The following ERP44 variants were observed in gnomAD, a reference collection of about 807,000 sequenced individuals.
ERP44 encodes the protein endoplasmic reticulum protein 44.
ERP44 carries 25 observed loss-of-function variants against 53.4 expected under a neutral mutation model. The ratio of observed to expected loss-of-function variants is 0.47; its 90% CI spans 0.34 to 0.65. ERP44 has a LOEUF of 0.65. ERP44 is among the 30% of genes least tolerant of loss of function. ERP44 has a pLI of 0.01. For missense variants in ERP44, 338 were observed against 493.2 expected, an observed-to-expected ratio of 0.69 and a Z score of 2.98; for synonymous variants, 145 against 161.2, an observed-to-expected ratio of 0.90 and a Z score of 0.76.
intron 1 of ERP44, among the ~76,000 whole-genome samples, chr9:100,090,395 A>C (rs1348803859): frequency 6.6e-6 from 1 of 152,170 alleles, no homozygotes; most frequent in Non-Finnish European, 1.5e-5. Flanking sequence ...ATAGACTTCA[A>C]TGATGTGTTG....
intron 1 of ERP44, among the ~76,000 whole-genome samples, chr9:100,088,926 C>G (rs752747462): frequency 8.5e-5 from 13 of 152,146 alleles, no homozygotes; most frequent in Non-Finnish European, 1.9e-4. Context: ...TACAAATAAA[C>G]AAACTGGATG....
chr9:100,081,355 C>T (rs1029201104), intron 1 of ERP44, among the ~76,000 whole-genome samples: 4 of 151,996 alleles, frequency 2.6e-5, no homozygotes, highest in African/African-American at 9.7e-5. Flanking sequence ...CTTTCAAAAG[C>T]TAACAGCACA....
intron 10 of ERP44, among the ~76,000 whole-genome samples, chr9:99,991,168 A>C (rs944470029): frequency 2.6e-5 from 4 of 152,178 alleles, no homozygotes; most frequent in Non-Finnish European, 5.9e-5. Context: ...AAGCTGACCT[A>C]ATAGACATCT....
chr9:100,028,948 A>C (rs1825739649), intron 4 of ERP44, among the ~76,000 whole-genome samples: 1 of 152,208 alleles, frequency 6.6e-6, no homozygotes, highest in Non-Finnish European at 1.5e-5. Flanking sequence ...TTTAAAATCT[A>C]TTTCTGAGTC....
chr9:100,072,275 G>C (rs1398129976), intron 1 of ERP44, among the ~76,000 whole-genome samples: 1 of 152,114 alleles, frequency 6.6e-6, no homozygotes, highest in African/African-American at 2.4e-5. Flanking sequence ...AATGACCTTG[G>C]TGTGTTAAAA....
At chr9:100,074,230 A>T (rs1270193823) in intron 1 of ERP44, among the ~76,000 whole-genome samples, 1 of 152,174 alleles carries the variant, frequency 6.6e-6, no homozygotes, top group Non-Finnish European at 1.5e-5. Flanking sequence ...AAGGCTACAG[A>T]CCAGTACTAG....
chr9:100,031,814 T>C (rs1825793609), intron 4 of ERP44, among the ~76,000 whole-genome samples: 1 of 152,198 alleles, frequency 6.6e-6, no homozygotes, highest in Non-Finnish European at 1.5e-5. Context: ...AAACCTCTGT[T>C]TTCCTCATGA....
intron 10 of ERP44, among the ~76,000 whole-genome samples, chr9:99,993,897 T>A (rs1357858270): frequency 6.6e-6 from 1 of 152,126 alleles, no homozygotes; most frequent in Non-Finnish European, 1.5e-5. Flanking sequence ...AACAGGCACA[T>A]GAAAAAATGC....
intron 4 of ERP44, among the ~76,000 whole-genome samples, chr9:100,038,150 G>T (rs1024771912): frequency 6.6e-6 from 1 of 152,074 alleles, no homozygotes; most frequent in African/African-American, 2.4e-5. Flanking sequence ...TTAATAATAA[G>T]AAATCATCTG....
intron 4 of ERP44, among the ~76,000 whole-genome samples, chr9:100,048,404 T>G (rs1450541041): frequency 1.3e-5 from 2 of 152,138 alleles, no homozygotes; most frequent in African/African-American, 4.8e-5. Context: ...ACTGCAACCC[T>G]TAGGTACTCC....
intron 4 of ERP44, among the ~76,000 whole-genome samples, chr9:100,036,723 G>A (rs1035611899): frequency 1.3e-5 from 2 of 152,088 alleles, no homozygotes; most frequent in African/African-American, 4.8e-5. Flanking sequence ...TGGAACTAGA[G>A]GACATTATGT....
intron 1 of ERP44, among the ~76,000 whole-genome samples, chr9:100,070,717 C>T (rs1826291452): frequency 6.6e-6 from 1 of 152,128 alleles, no homozygotes; most frequent in Admixed American, 6.5e-5. Flanking sequence ...TTAATCAAGC[C>T]CAAGAAACTA....
intron 8 of ERP44, among the ~76,000 whole-genome samples, chr9:100,012,159 G>C (rs1018557606): frequency 6.6e-6 from 1 of 152,040 alleles, no homozygotes; most frequent in Non-Finnish European, 1.5e-5. Context: ...CCAAGAAAAG[G>C]CTTGTGTTAG....
At chr9:100,092,937 A>G (rs1826577509) in intron 1 of ERP44, among the ~76,000 whole-genome samples, 1 of 152,238 alleles carries the variant, frequency 6.6e-6, no homozygotes. Context: ...ATTTAGTACA[A>G]CATATCAGAA....
chr9:100,056,665 A>C (rs943296734), intron 3 of ERP44, among the ~76,000 whole-genome samples: 7 of 152,328 alleles, frequency 4.6e-5, no homozygotes, highest in Middle Eastern at 3.4e-3. Context: ...TAAGACTTGA[A>C]AGATTAGAAC....
chr9:100,024,668 T>C (rs1830632676), intron 4 of ERP44, among the ~76,000 whole-genome samples: 1 of 152,118 alleles, frequency 6.6e-6, no homozygotes, highest in African/African-American at 2.4e-5. Context: ...TGAAATTAAA[T>C]ACATACACAT....
At position 100,020,644 on chromosome 9, in the gene ERP44, C is replaced by T; in HGVS notation, c.559G>A (p.Asp187Asn). The change falls in exon 6 of 12, where the codon GAT (aspartate) becomes AAT (asparagine). Residue 187 changes from aspartate to asparagine, a missense_variant. Physicochemically the swap from Asp to Asn is conservative, Grantham distance 23. Transcript: ENST00000262455. ...AATGCAGAAAGAAAGGCACAGTCAT[C>T]ATGCAAAATATTCGCTACTCGTTCA... Reference protein sequence around the residue: ...VFERVANILHDDCAFLSAFGD... With the variant: ...VFERVANILHNDCAFLSAFGD... 2 of 1,605,208 alleles carry T rather than the reference C, an allele frequency of 1.2e-6. No individual in the cohort carries two copies. The highest frequency in any genetic ancestry group is 1.7e-6 in the Non-Finnish European group (2 of 1,172,448).
At chr9:100,018,359 G>A (rs1381173890) in intron 6 of ERP44, 46 bp from the exon 7 acceptor site, 2 of 1,157,126 alleles carry the variant, frequency 1.7e-6, no homozygotes, top group East Asian at 2.3e-5. Flanking sequence ...ACAGAATTTT[G>A]CAATGTAGGA....
chr9:100,006,198 G>A (rs1187330530), intron 10 of ERP44, among the ~76,000 whole-genome samples: 1 of 152,142 alleles, frequency 6.6e-6, no homozygotes, highest in East Asian at 1.9e-4. Flanking sequence ...TCAATGAAGA[G>A]CTAATTTCTC....
Sources: gnomAD v4.1 joint callset for allele counts (sites outside exome capture counted in the v4.1 genomes callset) on GRCh38, gnomAD v4.1.1 for gene constraint, MANE v1.5 for transcripts, NCBI Gene and HGNC (gene_info 2026-07-23, HGNC 2026-07-21) for gene names.